The following DPP10 variants were observed in gnomAD, a reference collection of about 807,000 sequenced individuals.
The protein encoded by DPP10 is dipeptidyl peptidase like 10.
Under a neutral mutation model 120.9 loss-of-function variants are expected in DPP10, and 33 were observed. The observed-to-expected ratio is 0.27, with a 90% CI of 0.21 to 0.37. The LOEUF is 0.37. DPP10 is among the 10% of genes least tolerant of loss of function. The pLI is 1.00. For missense variants in DPP10, 816 were observed against 942.8 expected (o/e 0.87, Z 1.76); for synonymous variants, 337 against 326.1 (o/e 1.03, Z -0.36).
At chr2:115,654,125 A>G (rs886726998) in intron 5 of DPP10, among the ~76,000 whole-genome samples, 2 of 151,820 alleles carry the variant, frequency 1.3e-5, no homozygotes, top group Non-Finnish European at 2.9e-5. Context: ...ATTTTCTTGA[A>G]TCTAGGAATG....
intron 2 of DPP10, among the ~76,000 whole-genome samples, chr2:115,330,425 G>A (rs2062649594): frequency 6.6e-6 from 1 of 151,224 alleles, no homozygotes; most frequent in South Asian, 2.1e-4. Context: ...CTGTGCAGAA[G>A]CTCTTTAGTT....
intron 3 of DPP10, among the ~76,000 whole-genome samples, chr2:115,402,854 A>AATAT (rs757052503): frequency 0.038 from 3,718 of 97,450 alleles, 112 homozygotes; most frequent in Middle Eastern, 0.072. Context: ...AAAAAAAAAA[A>AATAT]ATATATATAT....
At chr2:115,688,034 A>AAGAGAG (rs70941088) in intron 5 of DPP10, among the ~76,000 whole-genome samples, 82 of 150,304 alleles carry the variant, frequency 5.5e-4, no homozygotes, top group African/African-American at 5.9e-4. Flanking sequence ...GAGAGAGAAA[A>AAGAGAG]AGAGAGAGAG....
chr2:115,277,524 G>A lies in DPP10; in HGVS notation c.61-31715G>A, dbSNP rs1420979519. Among the ~76,000 whole-genome samples the A allele has an allele frequency of 6.4e-5, 7 of 109,496 alleles. No homozygotes were observed. The East Asian group carries it at 2.2e-3, about 35-fold the overall frequency. 71.8% of individuals were successfully genotyped at this position (109,496 alleles called of 152,430 possible). ...CATTGTACTCCTTACATGACATTAT[G>A]TTACAGAAGAAAATGTTTTATAACA... On this transcript the variant is annotated intron_variant, in intron 1 of 25. Transcript: ENST00000410059.
chr2:115,767,974 C>T (rs1022545874), intron 12 of DPP10, among the ~76,000 whole-genome samples: 9 of 152,066 alleles, frequency 5.9e-5, no homozygotes, highest in Non-Finnish European at 1.3e-4. Flanking sequence ...TTTCACTAAA[C>T]ACAATCTTAT....
intron 5 of DPP10, among the ~76,000 whole-genome samples, chr2:115,531,839 G>A (rs1558807299): frequency 6.6e-6 from 1 of 152,144 alleles, no homozygotes; most frequent in East Asian, 1.9e-4. Flanking sequence ...CATTTGTAAA[G>A]ATTAATTCTG....
At chr2:115,687,632 C>G (rs1244670405) in intron 5 of DPP10, among the ~76,000 whole-genome samples, 1 of 129,974 alleles carries the variant, frequency 7.7e-6, no homozygotes, top group African/African-American at 2.5e-5. Flanking sequence ...ACACTTACTG[C>G]AAGAGACAAT....
intron 5 of DPP10, among the ~76,000 whole-genome samples, chr2:115,689,028 C>T (rs1276498462): frequency 6.6e-6 from 1 of 152,028 alleles, no homozygotes; most frequent in Non-Finnish European, 1.5e-5. Flanking sequence ...GTGGAGGATG[C>T]AAAGGTAATA....
At chr2:115,840,724 A>G in intron 24 of DPP10, 26 bp from the exon 25 acceptor site, 1 of 1,605,040 alleles carries the variant, frequency 6.2e-7, no homozygotes, top group Non-Finnish European at 8.5e-7. Flanking sequence ...GTGTTTCTTC[A>G]GATATCATAA....
At position 114,834,697 on chromosome 2, in the gene DPP10, C is replaced by T. The variant is rs530269295; in HGVS notation, c.60+391859C>T. 1.6e-4 allele frequency among the ~76,000 whole-genome samples: 20 copies of T among 122,906 alleles called. 4 individuals carry two copies. The highest frequency in any genetic ancestry group is 9.7e-4 in the Admixed American group (12 of 12,310). The allele number at this position is 122,906 out of a possible 152,430, so 80.6% of individuals were successfully genotyped here. A position where few individuals can be genotyped will look rare whatever the true frequency, so the allele number is the denominator to read the frequency against. On this transcript the variant is annotated intron_variant, in intron 1 of 25. Coordinates refer to ENST00000410059, the MANE Select transcript of DPP10 (RefSeq NM_020868.6). ...TCTACACACCTATGTATATATAAGA[C>T]ATATCTACACACCTATGTATATATA...
intron 1 of DPP10, among the ~76,000 whole-genome samples, chr2:115,020,440 A>T (rs995753127): frequency 2.0e-5 from 3 of 152,190 alleles, no homozygotes; most frequent in Non-Finnish European, 2.9e-5. Context: ...TGATATAAGA[A>T]ATAGTCCAAC....
chr2:115,534,963 G>GT (rs1414582095), intron 5 of DPP10, among the ~76,000 whole-genome samples: 2 of 149,958 alleles, frequency 1.3e-5, no homozygotes, highest in Admixed American at 1.3e-4. Flanking sequence ...GGGGTTGTTT[G>GT]TTTTTTTCTT....
chr2:114,512,330 C>A (rs930915747), intron 1 of DPP10, among the ~76,000 whole-genome samples: 5 of 152,140 alleles, frequency 3.3e-5, no homozygotes, highest in African/African-American at 1.2e-4. Flanking sequence ...CTCATTGTTA[C>A]TAAACTAACC....
chr2:114,469,336 TCAAA>T (rs1679701779), intron 1 of DPP10, among the ~76,000 whole-genome samples: 1 of 152,232 alleles, frequency 6.6e-6, no homozygotes, highest in African/African-American at 2.4e-5. Context: ...GGATTTGTTC[TCAAA>T]CAAAAGTAAT....
At chr2:115,153,518 T>C (rs140589865) in intron 1 of DPP10, among the ~76,000 whole-genome samples, 129 of 152,370 alleles carry the variant, frequency 8.5e-4, no homozygotes, top group Non-Finnish European at 1.2e-3. Flanking sequence ...ACCCACACTG[T>C]GTGGCTTTTG....
Position 115,597,025 on chromosome 2 carries a change from G to A in DPP10, c.441+71053G>A, listed in dbSNP as rs1054422272. On this transcript the variant is annotated intron_variant, in intron 5 of 25. Coordinates refer to ENST00000410059, the MANE Select transcript of DPP10 (RefSeq NM_020868.6). ...GGAAGAAAAGCATACAGTTTTTAGG[G>A]CTTACTATTTAACTACATGAGAAGC... Among the ~76,000 whole-genome samples, 14 of 152,216 alleles carry A rather than the reference G, an allele frequency of 9.2e-5. No individual in the cohort carries two copies. In the East Asian group the frequency reaches 2.3e-3, roughly 25 times the overall value.
chr2:114,556,419 G>A (rs142670910), intron 1 of DPP10, among the ~76,000 whole-genome samples: 1 of 151,984 alleles, frequency 6.6e-6, no homozygotes, highest in Non-Finnish European at 1.5e-5. Flanking sequence ...GGTTTGGCCT[G>A]AAGAGTTGGG....
At chr2:115,813,197 G>A in intron 19 of DPP10, among the ~76,000 whole-genome samples, 1 of 146,650 alleles carries the variant, frequency 6.8e-6, no homozygotes, top group Middle Eastern at 3.5e-3. Context: ...TAGCCAGGAT[G>A]GTCTCGATCT....
rs1700333257 is a variant in DPP10, at chr2:114,700,639, C to T, written c.60+257801C>T. On this transcript the variant is annotated intron_variant, in intron 1 of 25. Transcript: ENST00000410059. ...CATGCCTCGGGTTATTTGACCACGT[C>T]ACTTCCTCTGCCTCTTCTGCCTGGT... 2.6e-5 allele frequency among the ~76,000 whole-genome samples: 4 copies of T among 152,092 alleles called. No individual in the cohort carries two copies. The South Asian group carries it at 8.3e-4, about 32-fold the overall frequency.
Sources: allele counts gnomAD v4.1 joint callset (sites outside exome capture counted in the v4.1 genomes callset), GRCh38; gene constraint gnomAD v4.1.1; transcripts MANE v1.5; gene names NCBI Gene and HGNC (gene_info 2026-07-23, HGNC 2026-07-21).